CHST11: variants seen among roughly 807,000 people sequenced by gnomAD.
CHST11 encodes carbohydrate sulfotransferase 11.
CHST11 carries 9 observed loss-of-function variants against 30.4 expected under a neutral mutation model. The observed-to-expected ratio is 0.30, with a 90% CI of 0.18 to 0.52. CHST11 has a LOEUF of 0.52. Among genes scored for constraint, CHST11 ranks in the 20% least tolerant of loss-of-function variants. CHST11 has a pLI of 0.97. For missense variants in CHST11, 348 were observed against 460.6 expected, an observed-to-expected ratio of 0.76 and a Z score of 2.24; for synonymous variants, 152 against 187.8, an observed-to-expected ratio of 0.81 and a Z score of 1.56.
chr12:104,460,006 A>G (rs1415938808), intron 1 of CHST11, among the ~76,000 whole-genome samples: 4 of 152,270 alleles, frequency 2.6e-5, no homozygotes, highest in African/African-American at 9.6e-5. Flanking sequence ...ATACTTTCAA[A>G]TCTACATTAA....
In CHST11 at chr12:104,631,195, T is replaced by C. The variant is rs962960785; in HGVS notation, c.204+29204T>C. On this transcript the variant is annotated intron_variant, in intron 2 of 2. Coordinates refer to ENST00000303694, the MANE Select transcript of CHST11 (RefSeq NM_018413.6). ...TGGCGTATTTATGAATACTGGCTGG[T>C]TGGGGGAGAGGAATGGTGCAGCTTC... Among the ~76,000 whole-genome samples, 161 of 152,308 alleles carry C rather than the reference T, an allele frequency of 1.1e-3. 1 individual carries two copies. Among genetic ancestry groups the C allele is most frequent in the African/African-American group, 3.7e-3 (154 of 41,568 alleles).
intron 1 of CHST11, among the ~76,000 whole-genome samples, chr12:104,548,987 A>T (rs532271675): frequency 3.3e-5 from 5 of 152,362 alleles, no homozygotes; most frequent in Non-Finnish European, 5.9e-5. Context: ...TCCAAATATC[A>T]TAAATTGACC....
At chr12:104,514,182 T>C (rs760905041) in intron 1 of CHST11, 28 of 937,000 alleles carry the variant, frequency 3.0e-5, no homozygotes, top group South Asian at 3.9e-5. Flanking sequence ...GGTGGCCACA[T>C]AGGAGTTCCA....
chr12:104,563,373 G>A (rs1016338121), intron 1 of CHST11, among the ~76,000 whole-genome samples: 6 of 152,266 alleles, frequency 3.9e-5, no homozygotes, highest in East Asian at 3.9e-4. Context: ...TGCTTAGACC[G>A]TGTCCAGCAT....
At chr12:104,621,688 G>A (rs565342332) in intron 2 of CHST11, among the ~76,000 whole-genome samples, 34 of 152,344 alleles carry the variant, frequency 2.2e-4, no homozygotes, top group Admixed American at 1.5e-3. Flanking sequence ...GATGGAAAAG[G>A]CACAGAACAG....
chr12:104,740,521 T>C (rs1426776995), intron 2 of CHST11, among the ~76,000 whole-genome samples: 1 of 152,186 alleles, frequency 6.6e-6, no homozygotes, highest in Non-Finnish European at 1.5e-5. Context: ...CAGTCTTTGC[T>C]CTGCTGCTTT....
intron 1 of CHST11, among the ~76,000 whole-genome samples, chr12:104,551,080 A>G (rs1195575272): frequency 6.6e-6 from 1 of 152,164 alleles, no homozygotes; most frequent in Non-Finnish European, 1.5e-5. Context: ...GGCTATTTCA[A>G]AGGCGACCTA....
At chr12:104,754,511 G>T (rs929337201) in intron 2 of CHST11, among the ~76,000 whole-genome samples, 1 of 152,236 alleles carries the variant, frequency 6.6e-6, no homozygotes, top group Non-Finnish European at 1.5e-5. Flanking sequence ...TCTCAGGGCA[G>T]CGTTCCAACA....
At chr12:104,626,612 A>G (rs1308123519) in intron 2 of CHST11, among the ~76,000 whole-genome samples, 1 of 150,144 alleles carries the variant, frequency 6.7e-6, no homozygotes, top group East Asian at 1.9e-4. Flanking sequence ...GTCAAAATAT[A>G]CTTGTGCATG....
At chr12:104,690,592 G>A (rs2039888470) in intron 2 of CHST11, among the ~76,000 whole-genome samples, 1 of 152,172 alleles carries the variant, frequency 6.6e-6, no homozygotes, top group Non-Finnish European at 1.5e-5. Flanking sequence ...TTGGGAGGCC[G>A]AGGAGGGTGG....
At chr12:104,488,438 T>C (rs985538370) in intron 1 of CHST11, among the ~76,000 whole-genome samples, 1 of 150,796 alleles carries the variant, frequency 6.6e-6, no homozygotes, top group Non-Finnish European at 1.5e-5. Context: ...TGTGTATGCA[T>C]GTATGTATGT....
At chr12:104,730,028 G>A (rs530973492) in intron 2 of CHST11, among the ~76,000 whole-genome samples, 1 of 152,322 alleles carries the variant, frequency 6.6e-6, no homozygotes, top group Non-Finnish European at 1.5e-5. Context: ...CTCATCCTCT[G>A]ACCTGTCAGA....
chr12:104,719,603 C>G (rs561894724), intron 2 of CHST11, among the ~76,000 whole-genome samples: 36 of 152,318 alleles, frequency 2.4e-4, no homozygotes, highest in African/African-American at 7.9e-4. Flanking sequence ...AAATGCTGCT[C>G]TAGCTATTAC....
At chr12:104,610,205 A>G (rs957380394) in intron 2 of CHST11, among the ~76,000 whole-genome samples, 2 of 152,136 alleles carry the variant, frequency 1.3e-5, no homozygotes, top group African/African-American at 2.4e-5. Flanking sequence ...TATACTCCCA[A>G]TGCCTAGTTA....
intron 2 of CHST11, among the ~76,000 whole-genome samples, chr12:104,675,620 T>A (rs1435481174): frequency 6.6e-6 from 1 of 152,224 alleles, no homozygotes; most frequent in African/African-American, 2.4e-5. Flanking sequence ...CTTTATTCAA[T>A]CCAGGGGTTG....
At chr12:104,649,235 C>T (rs2039468253) in intron 2 of CHST11, among the ~76,000 whole-genome samples, 4 of 152,108 alleles carry the variant, frequency 2.6e-5, no homozygotes, top group Admixed American at 6.5e-5. Context: ...AACAGTGTAT[C>T]GGAACAGAGG....
chr12:104,750,428 CTTTTTT>C (rs10659007), intron 2 of CHST11, among the ~76,000 whole-genome samples: 34 of 48,834 alleles, frequency 7.0e-4, no homozygotes, highest in African/African-American at 1.9e-3. Flanking sequence ...TATTTCTGCA[CTTTTTT>C]TTTTTTTTTT....
rs1278550003 is a variant in CHST11, at chr12:104,458,082, C to T, written c.118+553C>T. Reference sequence around the variant, plus strand: ...CAGGCTGGGAGCCCGGGACTGGGCTCCCACGTGTCCCGGGCTCCGCGCAGA... The same window carrying T: ...CAGGCTGGGAGCCCGGGACTGGGCTTCCACGTGTCCCGGGCTCCGCGCAGA... On this transcript the variant is annotated intron_variant, in intron 1 of 2. Coordinates refer to ENST00000303694, the MANE Select transcript of CHST11 (RefSeq NM_018413.6). The surrounding 1 kb of genome is among the most constrained non-coding windows in gnomAD (Gnocchi z 5.7). Among the ~76,000 whole-genome samples the T allele has an allele frequency of 9.2e-5, 14 of 151,768 alleles. No individual in the cohort carries two copies.
intron 1 of CHST11, among the ~76,000 whole-genome samples, chr12:104,565,237 G>T (rs969855559): frequency 6.6e-6 from 1 of 151,028 alleles, no homozygotes; most frequent in Non-Finnish European, 1.5e-5. Flanking sequence ...GACCACCTGG[G>T]CAGCCTCCAT....
Sources: gnomAD v4.1 joint callset for allele counts (sites outside exome capture counted in the v4.1 genomes callset) on GRCh38, gnomAD v4.1.1 for gene constraint, Gnocchi (gnomAD v3.1) non-coding constraint, MANE v1.5 for transcripts, NCBI Gene and HGNC (gene_info 2026-07-23, HGNC 2026-07-21) for gene names.